The following ARHGAP39 variants were observed in gnomAD, a reference collection of about 807,000 sequenced individuals.
ARHGAP39 encodes Rho GTPase activating protein 39, also known as rho GTPase-activating protein 39.
ARHGAP39 carries 44 observed loss-of-function variants against 106.9 expected under a neutral mutation model. The ratio of observed to expected loss-of-function variants is 0.41; its 90% CI spans 0.32 to 0.53. ARHGAP39 has a LOEUF of 0.53. Ranked by LOEUF, ARHGAP39 falls within the 20% of genes least tolerant of loss-of-function variation. The pLI, the probability that ARHGAP39 is intolerant of heterozygous loss-of-function variation, is 0.21. For synonymous variants in ARHGAP39, 768 were observed against 693.2 expected (o/e 1.11, Z -1.69); for missense variants, 1,496 against 1,577.3 (o/e 0.95, Z 0.87).
At chr8:144,532,928 T>C (rs753180002) in intron 9 of ARHGAP39, among the ~76,000 whole-genome samples, 198 bp downstream of exon 9, 1 of 152,234 alleles carries the variant, frequency 6.6e-6, no homozygotes, top group Non-Finnish European at 1.5e-5. Flanking sequence ...CTCTTTGGAA[T>C]GGGTCCTGCC....
chr8:144,674,901 G>A (rs765096821), intron 1 of ARHGAP39, among the ~76,000 whole-genome samples: 1 of 152,222 alleles, frequency 6.6e-6, no homozygotes, highest in African/African-American at 2.4e-5. Context: ...CAAAATTGAC[G>A]TGGGGACCAG....
intron 1 of ARHGAP39, among the ~76,000 whole-genome samples, chr8:144,683,661 A>G (rs1822489902): frequency 6.6e-6 from 1 of 152,056 alleles, no homozygotes; most frequent in Non-Finnish European, 1.5e-5. Flanking sequence ...TTCTCTAAGA[A>G]CGTCTTAAAA....
chr8:144,532,751 G>C (rs1459642876), intron 9 of ARHGAP39, among the ~76,000 whole-genome samples: 2 of 152,194 alleles, frequency 1.3e-5, no homozygotes, highest in African/African-American at 4.8e-5. Context: ...TGCCCTGACA[G>C]GTGAGTCATG....
chr8:144,547,717 G>T lies in ARHGAP39; in HGVS notation c.1369C>A (p.Arg457=), dbSNP rs1267269052. 2 of 1,592,294 alleles carry T rather than the reference G, an allele frequency of 1.3e-6. No homozygotes were observed. The highest frequency in any genetic ancestry group is 8.5e-7 in the Non-Finnish European group (1 of 1,175,174). Residue 457 remains arginine (R), a synonymous_variant, in exon 5 of 12, where the codon CGG becomes AGG. Transcript: ENST00000377307. This position sits in a 1 kb window ranked among gnomAD's most constrained non-coding sequence, Gnocchi z 5.2. ...DYSTMEGPEL[R]HSQPPTPLPQ... ...AGCGGCGTGGGCGGCTGGCTGTGCC[G>T]CAGCTCAGGTCCCTCCATGGTGCTG...
chr8:144,675,740 G>A (rs1426225825), intron 1 of ARHGAP39, among the ~76,000 whole-genome samples: 2 of 151,760 alleles, frequency 1.3e-5, no homozygotes, highest in African/African-American at 4.8e-5. Flanking sequence ...GGTGCGTCTG[G>A]AGTTGTTCAT....
At chr8:144,626,562 G>A (rs1820920778) in intron 1 of ARHGAP39, among the ~76,000 whole-genome samples, 1 of 137,520 alleles carries the variant, frequency 7.3e-6, no homozygotes, top group South Asian at 2.5e-4. Flanking sequence ...CCCCGTTCAC[G>A]GAGCACCCAC....
chr8:144,632,863 T>G (rs1373060495), intron 1 of ARHGAP39, among the ~76,000 whole-genome samples: 1 of 152,226 alleles, frequency 6.6e-6, no homozygotes, highest in African/African-American at 2.4e-5. Flanking sequence ...TCAAGATATA[T>G]TTTACTTATT....
At chr8:144,542,343 G>A (rs2721162) in intron 6 of ARHGAP39, among the ~76,000 whole-genome samples, 3,598 of 152,306 alleles carry the variant, frequency 0.024, 140 homozygotes, top group African/African-American at 0.083. Context: ...CTCAGTCCCC[G>A]AGGGTGGTGA....
chr8:144,565,010 T>G lies in ARHGAP39; in HGVS notation c.513-9367A>C, dbSNP rs868651311. The stretch of plus-strand genomic sequence containing the variant: ...ATGTAATCCTAGCTACTCGGGAGGC[T>G]GAGACAGGAGACTCGCTTGAACCCG... On this transcript the variant is annotated intron_variant, in intron 3 of 11. Coordinates refer to ENST00000377307, the MANE Select transcript of ARHGAP39 (RefSeq NM_025251.3). Among the ~76,000 whole-genome samples the G allele has an allele frequency of 3.3e-5, 5 of 152,122 alleles. No individual in the cohort carries two copies. In the South Asian group the frequency reaches 1.0e-3, roughly 32 times the overall value.
Position 144,547,135 on chromosome 8 carries a change from G to C in ARHGAP39, c.1951C>G (p.Pro651Ala). 1 of 1,597,388 alleles carries C rather than the reference G, an allele frequency of 6.3e-7. No individual in the cohort carries two copies. Among genetic ancestry groups the C allele is most frequent in the African/African-American group, 1.3e-5 (1 of 74,730 alleles). ...NLASPEPYLH[P>A]SQSEDLAACA... ...GCCCATTGGGCCCTCACCTGTGAGG[G>C]GTGGAGGTAGGGCTCTGGTGAGGCC... The change falls in exon 5 of 12, where the codon CCC becomes GCC. Residue 651 changes from proline (P) to alanine (A), a missense_variant. By Grantham distance (27) the Pro-to-Ala change is conservative (BLOSUM62 -1). Coordinates refer to ENST00000377307, the MANE Select transcript of ARHGAP39 (RefSeq NM_025251.3). The surrounding 1 kb of genome is among the most constrained non-coding windows in gnomAD (Gnocchi z 5.2).
intron 1 of ARHGAP39, among the ~76,000 whole-genome samples, chr8:144,643,265 C>T (rs1821356881): frequency 6.6e-6 from 1 of 151,982 alleles, no homozygotes; most frequent in South Asian, 2.1e-4. Flanking sequence ...TGCTTGAGAC[C>T]AGCCTGGGCA....
At chr8:144,530,643 G>GAGGGGC (rs770121412) in intron 11 of ARHGAP39, 27 bp from the exon 12 acceptor site, 1 of 1,540,756 alleles carries the variant, frequency 6.5e-7, no homozygotes, top group African/African-American at 1.4e-5. Context: ...GGTGGGCGCG[G>GAGGGGC]AGGGGCGGGG....
intron 1 of ARHGAP39, among the ~76,000 whole-genome samples, chr8:144,606,777 A>G (rs1357051390): frequency 2.6e-5 from 4 of 152,170 alleles, no homozygotes; most frequent in Non-Finnish European, 5.9e-5. Flanking sequence ...ACCTCATCCA[A>G]TCTCGTACGT....
chr8:144,588,720 G>A (rs544717628), intron 2 of ARHGAP39, among the ~76,000 whole-genome samples: 6 of 152,378 alleles, frequency 3.9e-5, no homozygotes, highest in African/African-American at 7.2e-5. Context: ...GAGGCAGCAC[G>A]GCGGCACGGG....
At chr8:144,692,551 G>C in the ARHGAP39 span, among the ~76,000 whole-genome samples, 1 of 152,088 alleles carries the variant, frequency 6.6e-6, no homozygotes, top group Non-Finnish European at 1.5e-5. Context: ...CATGACATCA[G>C]CGACCACTGA....
At chr8:144,532,571 C>T (rs1816774286) in intron 9 of ARHGAP39, among the ~76,000 whole-genome samples, 175 bp from the exon 10 acceptor site, 1 of 152,210 alleles carries the variant, frequency 6.6e-6, no homozygotes, top group African/African-American at 2.4e-5. Context: ...TGGCGCTCTT[C>T]AGGATTCCTG....
chr8:144,621,352 C>CCCTCAAA (rs1820802721), intron 1 of ARHGAP39, among the ~76,000 whole-genome samples: 1 of 152,248 alleles, frequency 6.6e-6, no homozygotes, highest in African/African-American at 2.4e-5. Context: ...CCAACAGAGG[C>CCCTCAAA]CCTCAAACGC....
the ARHGAP39 span, among the ~76,000 whole-genome samples, chr8:144,696,335 C>T: frequency 1.3e-5 from 2 of 148,352 alleles, no homozygotes; most frequent in African/African-American, 2.6e-5. Flanking sequence ...GACGGGGTTT[C>T]GCCACGTTGC....
rs926175367 is a variant in ARHGAP39 at position 144,661,401 on chromosome 8, A to G, written c.-82+24285T>C. On this transcript the variant is annotated intron_variant, in intron 1 of 11. Coordinates refer to ENST00000377307, the MANE Select transcript of ARHGAP39 (RefSeq NM_025251.3). ...CGGTCTCTTTCCTTCTAACAGGAACAGCACCCTCACTCCTGTGATAGTCTC... is the reference window on the plus strand; with the variant it reads ...CGGTCTCTTTCCTTCTAACAGGAACGGCACCCTCACTCCTGTGATAGTCTC... Among the ~76,000 whole-genome samples, 4 of 152,204 alleles carry G rather than the reference A, an allele frequency of 2.6e-5. No individual in the cohort carries two copies. The East Asian group carries it at 5.8e-4, about 22-fold the overall frequency.
Sources: allele counts gnomAD v4.1 joint callset (sites outside exome capture counted in the v4.1 genomes callset), GRCh38; gene constraint gnomAD v4.1.1; non-coding constraint Gnocchi (gnomAD v3.1); transcripts MANE v1.5; gene names NCBI Gene and HGNC (gene_info 2026-07-23, HGNC 2026-07-21).